The following TERT variants were observed in gnomAD, a reference collection of about 807,000 sequenced individuals.
TERT encodes telomerase reverse transcriptase.
Under a neutral mutation model 104.0 loss-of-function variants are expected in TERT, and 42 were observed. The observed-to-expected ratio is 0.40, with a 90% CI of 0.32 to 0.52. TERT has a LOEUF of 0.52. TERT is among the 20% of genes least tolerant of loss of function. TERT has a pLI of 0.43. For missense variants in TERT, 1,101 were observed against 1,610.3 expected (o/e 0.68, Z 5.41); for synonymous variants, 781 against 725.6 (o/e 1.08, Z -1.23).
rs1747811097 is a variant in TERT at position 1,257,200 on chromosome 5, CG to C, written c.3032+1397del. Among the ~76,000 whole-genome samples, 1 of 152,148 alleles carries C rather than the reference CG, an allele frequency of 6.6e-6. No individual in the cohort carries two copies. The highest frequency in any genetic ancestry group is 2.4e-5 in the African/African-American group (1 of 41,424). On this transcript the variant is annotated intron_variant, in intron 13 of 15. Coordinates refer to ENST00000310581, the MANE Select transcript of TERT (RefSeq NM_198253.3). This position sits in a 1 kb window ranked among gnomAD's most constrained non-coding sequence, Gnocchi z 5.6. The stretch of plus-strand genomic sequence containing the variant: ...CCCTGCCCTGAGCCCAGGCCCTCTA[CG>C]GGAGCTCCTCGGAGCTAGAGACCCT...
intron 3 of TERT, 115 bp downstream of exon 3, chr5:1,282,314 C>T: frequency 1.7e-6 from 2 of 1,186,548 alleles, no homozygotes; most frequent in South Asian, 2.5e-5. Context: ...CCCTGGCTCC[C>T]AGCCCAGAGC....
In TERT at chr5:1,266,535, C is replaced by T; in HGVS notation, c.2583G>A (p.Gly861=). The part of the protein sequence containing the change: ...NKLFAGIRRD[G]LLLRLVDDFL... ...AATCATCCACCAAACGCAGGAGCAGCCTAAAATAAGGGAAAATACACAGCA... is the reference window on the plus strand; with the variant it reads ...AATCATCCACCAAACGCAGGAGCAGTCTAAAATAAGGGAAAATACACAGCA... The change falls in exon 10 of 16, where the codon GGG becomes GGA. Residue 861 remains glycine (G), a splice_region_variant and synonymous_variant. Coordinates refer to ENST00000310581, the MANE Select transcript of TERT (RefSeq NM_198253.3). 6.2e-7 allele frequency: 1 copy of T among 1,607,504 alleles called. No homozygotes were observed. The highest frequency in any genetic ancestry group is 8.5e-7 in the Non-Finnish European group (1 of 1,176,830).
chr5:1,278,288 C>T (rs1254025489), intron 6 of TERT, among the ~76,000 whole-genome samples: 1 of 152,164 alleles, frequency 6.6e-6, no homozygotes, highest in African/African-American at 2.4e-5. Flanking sequence ...CACACACACC[C>T]ATGCCATAGA....
intron 4 of TERT, 40 bp from the exon 5 acceptor site, chr5:1,279,510 C>G (rs1399371705): frequency 6.5e-7 from 1 of 1,544,484 alleles, no homozygotes; most frequent in Non-Finnish European, 8.7e-7. Context: ...GAAAGTGGAT[C>G]CGGCCAAGTG....
chr5:1,258,743 G>A, intron 12 of TERT, 84 bp from the exon 13 acceptor site: 1 of 1,128,166 alleles, frequency 8.9e-7, no homozygotes, highest in South Asian at 1.3e-5. Flanking sequence ...CATCCATTCA[G>A]ATGGAACAAG....
rs1751256440 is a variant in TERT, at chr5:1,294,514, G to A, written c.372C>T (p.Pro124=). ...CCCGCAGTGCGTCGGTCACCGTGTTGGGCAGGTAGCTGCGCACGCTGGTGG... is the reference window on the plus strand; with the variant it reads ...CCCGCAGTGCGTCGGTCACCGTGTTAGGCAGGTAGCTGCGCACGCTGGTGG... The part of the protein sequence containing the change: ...AFTTSVRSYL[P]NTVTDALRGS... The change falls in exon 2 of 16, where the codon CCC becomes CCT. Residue 124 remains proline (P), a synonymous_variant. Coordinates refer to ENST00000310581, the MANE Select transcript of TERT (RefSeq NM_198253.3). The A allele has an allele frequency of 6.3e-7, 1 of 1,581,458 alleles. No homozygotes were observed. Among genetic ancestry groups the A allele is most frequent in the Non-Finnish European group, 8.5e-7 (1 of 1,171,698 alleles).
Position 1,270,319 on chromosome 5 carries a change from G to C in TERT, c.2468+800C>G, listed in dbSNP as rs35029914. Among the ~76,000 whole-genome samples, 1 of 152,170 alleles carries C rather than the reference G, an allele frequency of 6.6e-6. No homozygotes were observed. On this transcript the variant is annotated intron_variant, in intron 8 of 15. Coordinates refer to ENST00000310581, the MANE Select transcript of TERT (RefSeq NM_198253.3). This position sits in a 1 kb window ranked among gnomAD's most constrained non-coding sequence, Gnocchi z 8.3. ...GCACAGTCCTTTATCCGCTGGAGAC[G>C]ATCCCAGAGAGAGGCCTCCACGTTC...
In TERT at chr5:1,273,495, G is replaced by C. The variant is rs562707895; in HGVS notation, c.2287-1215C>G. ...ACAGTCACCACACATCAGACCCCCG[G>C]GACCAACCGCCATCCACAGTCACCA... On this transcript the variant is annotated intron_variant, in intron 6 of 15. Coordinates refer to ENST00000310581, the MANE Select transcript of TERT (RefSeq NM_198253.3). Among the ~76,000 whole-genome samples the C allele has an allele frequency of 3.1e-4, 5 of 16,310 alleles. No homozygotes were observed. In the South Asian group the frequency reaches 0.01, roughly 34 times the overall value. 10.7% of individuals were successfully genotyped at this position (16,310 alleles called of 152,430 possible).
chr5:1,290,742 C>G (rs1339632765), intron 2 of TERT, among the ~76,000 whole-genome samples: 1 of 72,386 alleles, frequency 1.4e-5, no homozygotes, highest in Non-Finnish European at 2.6e-5. Flanking sequence ...TCACCCTGCA[C>G]GTGACAGGGA....
chr5:1,261,486 G>A lies in TERT; in HGVS notation c.2844-886C>T, dbSNP rs1748223705. ...ACTGGGAAGACACAGGACATTGTGA[G>A]GACTTCCATGCAAACAAGCTGCTTT... is the stretch of plus-strand genomic sequence containing the variant. On this transcript the variant is annotated intron_variant, in intron 11 of 15. Coordinates refer to ENST00000310581, the MANE Select transcript of TERT (RefSeq NM_198253.3). This position sits in a 1 kb window ranked among gnomAD's most constrained non-coding sequence, Gnocchi z 7.4. 6.6e-6 allele frequency among the ~76,000 whole-genome samples: 1 copy of A among 152,200 alleles called. No homozygotes were observed. Among genetic ancestry groups the A allele is most frequent in the African/African-American group, 2.4e-5 (1 of 41,458 alleles).
chr5:1,282,816 C>T (rs1471736727), intron 2 of TERT, 192 bp from the exon 3 acceptor site: 8 of 638,582 alleles, frequency 1.3e-5, no homozygotes, highest in East Asian at 5.8e-5. Flanking sequence ...CTGCACCATT[C>T]GGACACGGGG....
At chr5:1,259,461 C>T (rs1235657747) in intron 12 of TERT, among the ~76,000 whole-genome samples, 1 of 134,708 alleles carries the variant, frequency 7.4e-6, no homozygotes, top group African/African-American at 2.9e-5. Flanking sequence ...GACGCAGATG[C>T]CCACAGGAGA....
At position 1,287,106 on chromosome 5, in the gene TERT, A is replaced by G. The variant is rs1165838036; in HGVS notation, c.1574-4482T>C. Among the ~76,000 whole-genome samples, 1 of 152,124 alleles carries G rather than the reference A, an allele frequency of 6.6e-6. No individual in the cohort carries two copies. The highest frequency in any genetic ancestry group is 6.5e-5 in the Admixed American group (1 of 15,272). ...GGGTCTCTAGTGACAAAAAAATGAA[A>G]ATAAATCAGGTTATCCAGTTAAACA... On this transcript the variant is annotated intron_variant, in intron 2 of 15. Coordinates refer to ENST00000310581, the MANE Select transcript of TERT (RefSeq NM_198253.3). This position sits in a 1 kb window ranked among gnomAD's most constrained non-coding sequence, Gnocchi z 4.3.
intron 2 of TERT, among the ~76,000 whole-genome samples, chr5:1,291,602 CAGT>C (rs1750975018): frequency 2.0e-4 from 1 of 5,078 alleles, no homozygotes; most frequent in Non-Finnish European, 3.6e-4. Context: ...CACCCGGGGA[CAGT>C]GCCTCACTCA....
At chr5:1,276,856 G>C (rs562507845) in intron 6 of TERT, among the ~76,000 whole-genome samples, 1 of 152,364 alleles carries the variant, frequency 6.6e-6, no homozygotes, top group African/African-American at 2.4e-5. Context: ...TGCGTTACTG[G>C]ACTGTGTTAG....
At chr5:1,259,003 G>A (rs1747966506) in intron 12 of TERT, among the ~76,000 whole-genome samples, 1 of 145,956 alleles carries the variant, frequency 6.9e-6, no homozygotes, top group African/African-American at 2.5e-5. Context: ...AGGGAGTGGA[G>A]TGGATGTAAA....
In TERT at chr5:1,282,640, C is replaced by G. The variant is rs79698601; in HGVS notation, c.1574-16G>C. On this transcript the variant is annotated splice_polypyrimidine_tract_variant and intron_variant, in intron 2 of 15. Coordinates refer to ENST00000310581, the MANE Select transcript of TERT (RefSeq NM_198253.3). ...CAGCCAACCCCTTAAACGAGAAGGA[C>G]ATGCCACATCCAGATCACCGAGGGC... 3,717 of 1,613,346 alleles carry G rather than the reference C, an allele frequency of 2.3e-3. 13 individuals carry two copies. The highest frequency in any genetic ancestry group is 8.5e-3 in the Middle Eastern group (51 of 6,020).
chr5:1,286,182 C>T lies in TERT; in HGVS notation c.1574-3558G>A, dbSNP rs930460612. On this transcript the variant is annotated intron_variant, in intron 2 of 15. Coordinates refer to ENST00000310581, the MANE Select transcript of TERT (RefSeq NM_198253.3). This position sits in a 1 kb window ranked among gnomAD's most constrained non-coding sequence, Gnocchi z 5.3. Reference sequence around the variant, plus strand: ...ACACTCACGGGCCAAGATGACCGCCCTCCTCGTGAGTCTCCACATCTTCAT... The same window carrying T: ...ACACTCACGGGCCAAGATGACCGCCTTCCTCGTGAGTCTCCACATCTTCAT... 6.6e-6 allele frequency among the ~76,000 whole-genome samples: 1 copy of T among 152,196 alleles called. No individual in the cohort carries two copies. Among genetic ancestry groups the T allele is most frequent in the African/African-American group, 2.4e-5 (1 of 41,462 alleles).
rs926497756 is a variant in TERT at position 1,255,690 on chromosome 5, T to G, written c.3033-279A>C. ...GAGGCTGAAGCAGCTCCATCCTGGATGCCAGCCCCCCATGCTGGCTTCTGA... is the reference window on the plus strand; with the variant it reads ...GAGGCTGAAGCAGCTCCATCCTGGAGGCCAGCCCCCCATGCTGGCTTCTGA... On this transcript the variant is annotated intron_variant, in intron 13 of 15. Coordinates refer to ENST00000310581, the MANE Select transcript of TERT (RefSeq NM_198253.3). This position sits in a 1 kb window ranked among gnomAD's most constrained non-coding sequence, Gnocchi z 6.9. Among the ~76,000 whole-genome samples the G allele has an allele frequency of 3.9e-5, 6 of 152,240 alleles. No individual in the cohort carries two copies. The highest frequency in any genetic ancestry group is 1.2e-4 in the African/African-American group (5 of 41,470).
Sources: gnomAD v4.1 joint callset for allele counts (sites outside exome capture counted in the v4.1 genomes callset) on GRCh38, gnomAD v4.1.1 for gene constraint, Gnocchi (gnomAD v3.1) non-coding constraint, MANE v1.5 for transcripts, NCBI Gene and HGNC (gene_info 2026-07-23, HGNC 2026-07-21) for gene names.